The following TLN2 variants were observed in gnomAD, a reference collection of about 807,000 sequenced individuals.
TLN2 encodes talin 2.
In TLN2, 118 loss-of-function variants were observed where a neutral mutation model predicts 294.7. The observed-to-expected ratio is 0.40, with a 90% CI of 0.34 to 0.47. The LOEUF is 0.47. Among genes scored for constraint, TLN2 ranks in the 20% least tolerant of loss-of-function variants. The pLI, the probability that TLN2 is intolerant of heterozygous loss-of-function variation, is 0.84. For synonymous variants in TLN2, 1,431 were observed against 1,304.5 expected (o/e 1.10, Z -2.09); for missense variants, 3,083 against 3,282.2 (o/e 0.94, Z 1.48).
chr15:62,401,565 T>G (rs1948920), intron 1 of TLN2, among the ~76,000 whole-genome samples: 20,210 of 152,160 alleles, frequency 0.13, 1,407 homozygotes, highest in Admixed American at 0.15. Context: ...GAGGTTCTGA[T>G]GTAGTTGGTT....
intron 1 of TLN2, among the ~76,000 whole-genome samples, chr15:62,407,742 C>T (rs1487731686): frequency 2.0e-5 from 3 of 151,988 alleles, no homozygotes; most frequent in Non-Finnish European, 2.9e-5. Context: ...CATGGAGAAA[C>T]CCCATCTCTA....
intron 1 of TLN2, among the ~76,000 whole-genome samples, chr15:62,585,646 C>T (rs532152301): frequency 6.6e-6 from 1 of 152,262 alleles, no homozygotes; most frequent in East Asian, 1.9e-4. Context: ...ATCATGGGAG[C>T]TGCTAAATGA....
Position 62,689,846 on chromosome 15 carries a change from C to CTTTTTTTTTTTTTTTTTTTTTT in TLN2, c.1114-2984_1114-2963dup, listed in dbSNP as rs1158144919. 1.6e-3 allele frequency among the ~76,000 whole-genome samples: 24 copies of CTTTTTTTTTTTTTTTTTTTTTT among 15,414 alleles called. 10 individuals are homozygous for CTTTTTTTTTTTTTTTTTTTTTT. The highest frequency in any genetic ancestry group is 3.6e-3 in the East Asian group (1 of 280). 10.1% of individuals were successfully genotyped at this position (15,414 alleles called of 152,430 possible). On this transcript the variant is annotated intron_variant, in intron 12 of 58. Transcript: ENST00000636159. The stretch of plus-strand genomic sequence containing the variant: ...TTTTCAAAATTCTTGGTATGGGCTT[C>CTTTTTTTTTTTTTTTTTTTTTT]TTTTTTTTTTTTTTTTTTTTTTTTT...
Position 62,835,889 on chromosome 15 carries a change from A to G in TLN2, c.7192-2A>G. The stretch of plus-strand genomic sequence containing the variant: ...GGTCACTTCTCCGTTGACTGTCCCC[A>G]GGCCCGGATGGTGGCGGCTGCGACC... On this transcript the variant is annotated splice_acceptor_variant, in intron 56 of 58. Coordinates refer to ENST00000636159, the MANE Select transcript of TLN2 (RefSeq NM_015059.3). LOFTEE classifies it high-confidence loss of function. 1 of 1,614,136 alleles carries G rather than the reference A, an allele frequency of 6.2e-7. No individual in the cohort carries two copies. The highest frequency in any genetic ancestry group is 8.5e-7 in the Non-Finnish European group (1 of 1,180,010).
chr15:62,583,606 A>G (rs1239910558), intron 1 of TLN2, among the ~76,000 whole-genome samples: 1 of 152,192 alleles, frequency 6.6e-6, no homozygotes. Flanking sequence ...TATTGTGAAC[A>G]TTTCAAAGTC....
chr15:62,693,267 G>C (rs889469917), intron 13 of TLN2, among the ~76,000 whole-genome samples: 6 of 152,234 alleles, frequency 3.9e-5, no homozygotes, highest in African/African-American at 1.4e-4. Context: ...GGGAGGCAGA[G>C]GTTGCAGTGA....
chr15:62,832,857 C>A (rs563466531), intron 54 of TLN2: 1 of 150,988 alleles, frequency 6.6e-6, no homozygotes, highest in Non-Finnish European at 1.5e-5. Flanking sequence ...TTTTTAAAGT[C>A]CATTTTTGAG....
chr15:62,504,866 A>G (rs937854439), intron 1 of TLN2, among the ~76,000 whole-genome samples: 1 of 150,944 alleles, frequency 6.6e-6, no homozygotes, highest in African/African-American at 2.4e-5. Flanking sequence ...AGAGAGAGAG[A>G]GAGAGGGAGA....
intron 1 of TLN2, among the ~76,000 whole-genome samples, chr15:62,438,918 C>G (rs955692960): frequency 6.6e-6 from 1 of 152,216 alleles, no homozygotes; most frequent in Non-Finnish European, 1.5e-5. Context: ...ATACTTCCTA[C>G]TCTTAATTTC....
intron 41 of TLN2, among the ~76,000 whole-genome samples, chr15:62,767,363 CAG>C (rs2063075597): frequency 6.6e-6 from 1 of 150,818 alleles, no homozygotes; most frequent in African/African-American, 2.4e-5. Context: ...TTTTTTCAGA[CAG>C]AGCTTTGCTC....
intron 1 of TLN2, among the ~76,000 whole-genome samples, chr15:62,503,124 G>T (rs542251600): frequency 6.6e-6 from 1 of 152,316 alleles, no homozygotes; most frequent in Admixed American, 6.5e-5. Context: ...GCGTCAACAA[G>T]TTCCCTTTAT....
At chr15:62,401,523 TC>T (rs2033020330) in intron 1 of TLN2, among the ~76,000 whole-genome samples, 1 of 152,162 alleles carries the variant, frequency 6.6e-6, no homozygotes, top group Non-Finnish European at 1.5e-5. Flanking sequence ...TCTGCACTGT[TC>T]CTGGACCTAG....
At chr15:62,510,424 C>T (rs926502446) in intron 1 of TLN2, among the ~76,000 whole-genome samples, 1 of 152,160 alleles carries the variant, frequency 6.6e-6, no homozygotes, top group African/African-American at 2.4e-5. Context: ...TTACCTTATG[C>T]AGTAGTTGAG....
chr15:62,771,254 C>A, intron 42 of TLN2, 120 bp downstream of exon 42: 1 of 1,141,530 alleles, frequency 8.8e-7, no homozygotes, highest in East Asian at 2.6e-5. Flanking sequence ...ATTTGAGCTC[C>A]CACTCTGAGA....
chr15:62,643,405 A>ATTTTTTTTTTTTTTTTTTTTTTTT (rs571288380), intron 3 of TLN2, among the ~76,000 whole-genome samples: 3 of 90,744 alleles, frequency 3.3e-5, no homozygotes, highest in Non-Finnish European at 6.0e-5. Context: ...TGGTTCCAGG[A>ATTTTTTTTTTTTTTTTTTTTTTTT]TTTTTTTTTT....
intron 14 of TLN2, among the ~76,000 whole-genome samples, chr15:62,696,858 GT>G (rs1218864437): frequency 6.6e-6 from 1 of 152,150 alleles, no homozygotes; most frequent in Non-Finnish European, 1.5e-5. Context: ...GTCAATGGTG[GT>G]GGACCTGAGG....
At chr15:62,578,825 C>T (rs2044667100) in intron 1 of TLN2, among the ~76,000 whole-genome samples, 1 of 152,164 alleles carries the variant, frequency 6.6e-6, no homozygotes, top group Non-Finnish European at 1.5e-5. Flanking sequence ...GCATGGAGGA[C>T]TTAGTCAGGG....
intron 1 of TLN2, among the ~76,000 whole-genome samples, chr15:62,510,967 C>T (rs997616891): frequency 3.3e-5 from 5 of 152,276 alleles, no homozygotes; most frequent in South Asian, 2.1e-4. Flanking sequence ...AAGTACAATT[C>T]GAAAGCATTT....
intron 1 of TLN2, among the ~76,000 whole-genome samples, chr15:62,401,949 T>C (rs151114274): frequency 4.1e-4 from 62 of 152,304 alleles, no homozygotes; most frequent in African/African-American, 1.3e-3. Context: ...ATTGACATTC[T>C]AGTGAGGCTA....
Sources: allele counts gnomAD v4.1 joint callset (sites outside exome capture counted in the v4.1 genomes callset), GRCh38; gene constraint gnomAD v4.1.1; transcripts MANE v1.5; gene names NCBI Gene and HGNC (gene_info 2026-07-23, HGNC 2026-07-21).